DOCK1: variants seen among roughly 807,000 people sequenced by gnomAD.
The protein encoded by DOCK1 is dedicator of cytokinesis protein 1.
A neutral mutation model predicts 262.7 loss-of-function variants in DOCK1; 138 were observed. That is an observed-to-expected ratio of 0.53 (90% CI 0.46 to 0.61). DOCK1 has a LOEUF of 0.61. DOCK1 is among the 20% of genes least tolerant of loss of function. The pLI, the probability that DOCK1 is intolerant of heterozygous loss-of-function variation, is 0.00. For missense variants in DOCK1, 1,908 were observed against 2,370.7 expected (o/e 0.80, Z 4.05); for synonymous variants, 866 against 867.4 (o/e 1.00, Z 0.03).
chr10:127,084,606 A>G (rs561101183), intron 23 of DOCK1, among the ~76,000 whole-genome samples: 6 of 152,250 alleles, frequency 3.9e-5, no homozygotes, highest in Non-Finnish European at 7.3e-5. Context: ...GTGGAACACA[A>G]CACAAGTGAA....
chr10:127,179,205 A>C (rs2055478995), intron 27 of DOCK1, among the ~76,000 whole-genome samples: 1 of 152,248 alleles, frequency 6.6e-6, no homozygotes, highest in Non-Finnish European at 1.5e-5. Flanking sequence ...ATTTTCTTAC[A>C]TCAGTTGGCT....
chr10:127,056,379 T>C (rs1397939852), intron 22 of DOCK1, among the ~76,000 whole-genome samples: 1 of 152,066 alleles, frequency 6.6e-6, no homozygotes, highest in Non-Finnish European at 1.5e-5. Flanking sequence ...TAATTTTTTG[T>C]AGGACATGGT....
intron 29 of DOCK1, among the ~76,000 whole-genome samples, chr10:127,279,989 G>C (rs1334472129): frequency 1.5e-5 from 2 of 137,110 alleles, no homozygotes; most frequent in Non-Finnish European, 3.1e-5. Context: ...AGACATTTTA[G>C]TGGTTTTAAA....
chr10:127,171,401 C>T (rs1044492128), intron 27 of DOCK1, among the ~76,000 whole-genome samples: 4 of 152,172 alleles, frequency 2.6e-5, no homozygotes, highest in Non-Finnish European at 5.9e-5. Context: ...GGGCCATCAG[C>T]GGGATTCAAA....
chr10:127,178,665 G>A (rs954732992), intron 27 of DOCK1, among the ~76,000 whole-genome samples: 1 of 152,168 alleles, frequency 6.6e-6, no homozygotes, highest in African/African-American at 2.4e-5. Context: ...GGTGCTGGGG[G>A]TATTTGGAGA....
At chr10:127,439,429 TG>T (rs2069925876) in intron 49 of DOCK1, among the ~76,000 whole-genome samples, 1 of 152,078 alleles carries the variant, frequency 6.6e-6, no homozygotes, top group Admixed American at 6.6e-5. Flanking sequence ...TGGAGGAAGG[TG>T]GGCTTAGCAT....
At chr10:127,141,640 C>T (rs933520643) in intron 27 of DOCK1, among the ~76,000 whole-genome samples, 1 of 151,898 alleles carries the variant, frequency 6.6e-6, no homozygotes, top group African/African-American at 2.4e-5. Flanking sequence ...CACTGCACTC[C>T]ACCCTGGGTG....
At chr10:127,442,809 C>T (rs140710593) in intron 49 of DOCK1, among the ~76,000 whole-genome samples, 14 of 152,276 alleles carry the variant, frequency 9.2e-5, no homozygotes, top group East Asian at 3.9e-4. Context: ...TGTTCTTGAC[C>T]GCACGGATGT....
At position 126,998,127 on chromosome 10, in the gene DOCK1, CA is replaced by C; in HGVS notation, c.647del (p.Lys216SerfsTer12). Reference protein sequence around the residue: ...KQNIDINRQAKFAATPSLALF... With the variant: ...KQNIDINRQAXFAATPSLALF... ...AGAACATAGATATTAACAGACAAGC[CA>C]AGTTTGCTGCAACCCCTTCTCTGGC... On this transcript the variant is annotated frameshift_variant, in exon 8 of 52. Coordinates refer to ENST00000623213, the MANE Select transcript of DOCK1 (RefSeq NM_001290223.2). LOFTEE classifies it high-confidence loss of function. 1.9e-6 allele frequency: 3 copies of C among 1,614,020 alleles called. No homozygotes were observed. Among genetic ancestry groups the C allele is most frequent in the Non-Finnish European group, 2.5e-6 (3 of 1,179,906 alleles).
rs373022014 is a variant in DOCK1 at position 127,134,103 on chromosome 10, A to T, written c.2847+6339A>T. On this transcript the variant is annotated intron_variant, in intron 27 of 51. Transcript: ENST00000623213. ...GCCATGGTGTTACTAACACCATGAC[A>T]TAGAAAAGTTCATGCCTCTTTCTTG... Among the ~76,000 whole-genome samples the T allele has an allele frequency of 5.2e-5, 8 of 152,382 alleles. No homozygotes were observed. The South Asian group carries it at 1.2e-3, about 24-fold the overall frequency.
chr10:127,415,322 CGTGGTCACT>C, intron 44 of DOCK1, 84 bp downstream of exon 44: 1 of 1,378,796 alleles, frequency 7.3e-7, no homozygotes, highest in Non-Finnish European at 1.0e-6. Context: ...GCTCATGCCC[CGTGGTCACT>C]GTGGCAGCGT....
intron 38 of DOCK1, among the ~76,000 whole-genome samples, chr10:127,399,845 A>C (rs1226653898): frequency 2.0e-5 from 3 of 152,254 alleles, no homozygotes; most frequent in African/African-American, 7.2e-5. Context: ...GGAGCTTTAA[A>C]AAAACGTTAA....
intron 35 of DOCK1, among the ~76,000 whole-genome samples, 178 bp from the exon 36 acceptor site, chr10:127,379,904 A>G (rs531990933): frequency 6.6e-6 from 1 of 152,332 alleles, no homozygotes; most frequent in East Asian, 1.9e-4. Flanking sequence ...GCAAAAAAAA[A>G]AGTGAAGAAC....
At chr10:126,942,179 A>G (rs1351937470) in intron 1 of DOCK1, among the ~76,000 whole-genome samples, 1 of 151,932 alleles carries the variant, frequency 6.6e-6, no homozygotes, top group East Asian at 1.9e-4. Context: ...GCCCGCCACC[A>G]CGCCCGGCTA....
At chr10:127,035,019 A>G (rs2043498712) in intron 18 of DOCK1, among the ~76,000 whole-genome samples, 1 of 152,180 alleles carries the variant, frequency 6.6e-6, no homozygotes, top group African/African-American at 2.4e-5. Flanking sequence ...AGCTGTTGCC[A>G]GGCAACAAGG....
intron 49 of DOCK1, 85 bp downstream of exon 49, chr10:127,439,310 T>A: frequency 7.4e-7 from 1 of 1,357,794 alleles, no homozygotes; most frequent in Non-Finnish European, 1.0e-6. Flanking sequence ...GGGCTGACGG[T>A]GGGCTCTTAT....
At chr10:127,124,119 G>T (rs939096475) in intron 25 of DOCK1, among the ~76,000 whole-genome samples, 4 of 152,146 alleles carry the variant, frequency 2.6e-5, no homozygotes, top group Non-Finnish European at 5.9e-5. Flanking sequence ...GTTTCTCTCT[G>T]CCTGCTCCCC....
intron 29 of DOCK1, among the ~76,000 whole-genome samples, chr10:127,275,860 G>A (rs2060721984): frequency 6.6e-6 from 1 of 152,204 alleles, no homozygotes; most frequent in Non-Finnish European, 1.5e-5. Flanking sequence ...GCAGAGAATA[G>A]TCAAATATTA....
chr10:127,047,064 T>A (rs1189132941), intron 21 of DOCK1, among the ~76,000 whole-genome samples: 4 of 152,254 alleles, frequency 2.6e-5, no homozygotes, highest in Non-Finnish European at 4.4e-5. Flanking sequence ...GGTGTCTTAC[T>A]GGCTGCACGC....
Sources: gnomAD v4.1 joint callset for allele counts (sites outside exome capture counted in the v4.1 genomes callset) on GRCh38, gnomAD v4.1.1 for gene constraint, MANE v1.5 for transcripts, NCBI Gene and HGNC (gene_info 2026-07-23, HGNC 2026-07-21) for gene names.